PPP2R2B: variants seen among roughly 807,000 people sequenced by gnomAD.
PPP2R2B encodes the protein protein phosphatase 2 regulatory subunit Bbeta.
Under a neutral mutation model 46.0 loss-of-function variants are expected in PPP2R2B, and 5 were observed. The ratio of observed to expected loss-of-function variants is 0.11; its 90% CI spans 0.06 to 0.23. The LOEUF (loss-of-function observed/expected upper bound fraction) is 0.23. PPP2R2B is among the 10% of genes least tolerant of loss of function. The pLI, the probability that PPP2R2B is intolerant of heterozygous loss-of-function variation, is 1.00. For missense variants in PPP2R2B, 367 were observed against 575.0 expected, an observed-to-expected ratio of 0.64 and a Z score of 3.70; for synonymous variants, 215 against 206.7, an observed-to-expected ratio of 1.04 and a Z score of -0.34.
intron 1 of PPP2R2B, among the ~76,000 whole-genome samples, chr5:146,915,390 T>C (rs1406044189): frequency 1.3e-5 from 2 of 151,698 alleles, no homozygotes; most frequent in African/African-American, 2.4e-5. Flanking sequence ...CTCTCTCTCA[T>C]TCATACATCA....
At chr5:146,907,107 A>C (rs1339635871) in intron 1 of PPP2R2B, among the ~76,000 whole-genome samples, 1 of 152,194 alleles carries the variant, frequency 6.6e-6, no homozygotes, top group Non-Finnish European at 1.5e-5. Context: ...GGGAAGTAGG[A>C]AAGTACAGGA....
intron 6 of PPP2R2B, among the ~76,000 whole-genome samples, chr5:146,647,922 G>C (rs1449031012): frequency 6.6e-6 from 1 of 152,174 alleles, no homozygotes; most frequent in Non-Finnish European, 1.5e-5. Context: ...AAATATGCCA[G>C]GCATGGTCCT....
At chr5:146,838,193 A>G (rs974803963) in intron 2 of PPP2R2B, among the ~76,000 whole-genome samples, 4 of 152,166 alleles carry the variant, frequency 2.6e-5, no homozygotes, top group African/African-American at 9.7e-5. Flanking sequence ...TATTGTGACA[A>G]ACTTTCAAGG....
At chr5:147,056,414 G>C (rs1306982545), upstream of PPP2R2B, among the ~76,000 whole-genome samples, 2 of 152,132 alleles carry the variant, frequency 1.3e-5, no homozygotes, top group African/African-American at 4.8e-5. Context: ...CGGTGACAGA[G>C]GGCTAACACA....
intron 5 of PPP2R2B, among the ~76,000 whole-genome samples, chr5:146,689,031 A>C (rs1778672281): frequency 6.6e-6 from 1 of 152,198 alleles, no homozygotes; most frequent in African/African-American, 2.4e-5. Context: ...TAAATACAAC[A>C]GTATAAAAAG....
upstream of PPP2R2B, among the ~76,000 whole-genome samples, chr5:147,058,484 A>T (rs1293481493): frequency 6.6e-6 from 1 of 152,214 alleles, no homozygotes; most frequent in Non-Finnish European, 1.5e-5. Context: ...CAAAGAACTC[A>T]ATAAATACAA....
intron 2 of PPP2R2B, among the ~76,000 whole-genome samples, chr5:146,855,905 A>G (rs780211219): frequency 6.6e-6 from 1 of 152,240 alleles, no homozygotes; most frequent in Non-Finnish European, 1.5e-5. Flanking sequence ...CTTAGGAGTT[A>G]ATAATGAAAG....
rs1368057526 is a variant in PPP2R2B at position 146,812,493 on chromosome 5, T to C, written c.70+65509A>G. On this transcript the variant is annotated intron_variant, in intron 2 of 9. Coordinates refer to ENST00000394411, the MANE Select transcript of PPP2R2B (RefSeq NM_181675.4). ...CTAGTGATAGCAGTATATATATATA[T>C]ACTGTATATATATACAGTATATATA... Among the ~76,000 whole-genome samples the C allele has an allele frequency of 6.1e-4, 16 of 26,442 alleles. 1 individual carries two copies. Among genetic ancestry groups the C allele is most frequent in the Non-Finnish European group, 1.3e-3 (12 of 9,476 alleles). 17.3% of individuals were successfully genotyped at this position (26,442 alleles called of 152,430 possible).
intron 2 of PPP2R2B, among the ~76,000 whole-genome samples, chr5:146,863,074 G>A (rs1410991221): frequency 6.6e-6 from 1 of 151,452 alleles, no homozygotes; most frequent in East Asian, 1.9e-4. Flanking sequence ...TGTAGGTCCT[G>A]GTGGGTGCTT....
intron 4 of PPP2R2B, among the ~76,000 whole-genome samples, chr5:146,696,226 C>A (rs1319395076): frequency 6.6e-6 from 1 of 151,838 alleles, no homozygotes; most frequent in Non-Finnish European, 1.5e-5. Flanking sequence ...GCCTCAGCCT[C>A]CCGAGTAGCC....
chr5:146,997,227 G>A (rs1320866782), intron 1 of PPP2R2B, among the ~76,000 whole-genome samples: 3 of 152,144 alleles, frequency 2.0e-5, no homozygotes, highest in African/African-American at 7.2e-5. Flanking sequence ...AGCAGCCATG[G>A]AGATAGGTCT....
At chr5:147,069,783 C>CTTTTTTTT (rs1561611794) in intron 2 of PPP2R2B, among the ~76,000 whole-genome samples, 37 of 48,394 alleles carry the variant, frequency 7.6e-4, no homozygotes, top group Non-Finnish European at 1.0e-3. Flanking sequence ...ACATTTTATA[C>CTTTTTTTT]TGTTTTTTTT....
chr5:146,890,988 C>T lies in PPP2R2B; in HGVS notation c.79+164677G>A, dbSNP rs1057261939. Among the ~76,000 whole-genome samples, 7 of 152,094 alleles carry T rather than the reference C, an allele frequency of 4.6e-5. No homozygotes were observed. The South Asian group carries it at 1.0e-3, about 23-fold the overall frequency. On this transcript the variant is annotated intron_variant, in intron 1 of 8. Transcript: ENST00000336640. ...AAGAGAGAGAGAGAAAAAAATAAGG[C>T]CTGGGTCCAAAGAAAGGTACACAGT... is the stretch of plus-strand genomic sequence containing the variant.
intron 2 of PPP2R2B, among the ~76,000 whole-genome samples, chr5:146,739,197 T>C (rs568003691): frequency 6.6e-6 from 1 of 152,260 alleles, no homozygotes; most frequent in African/African-American, 2.4e-5. Flanking sequence ...AGTTTTTATT[T>C]ATGTAAAGAC....
rs139115213 is a variant in PPP2R2B, at chr5:146,893,950, G to T, written c.79+161715C>A. On this transcript the variant is annotated intron_variant, in intron 1 of 8. Coordinates refer to the PPP2R2B transcript ENST00000336640. Reference sequence around the variant, plus strand: ...AATTCCAGCTACTCGGGAGGCTGAGGCATGAGAATTGCTTGAACCCAGGAG... The same window carrying T: ...AATTCCAGCTACTCGGGAGGCTGAGTCATGAGAATTGCTTGAACCCAGGAG... Among the ~76,000 whole-genome samples, 59 of 151,464 alleles carry T rather than the reference G, an allele frequency of 3.9e-4. 1 individual carries two copies. In the East Asian group the frequency reaches 0.01, roughly 26 times the overall value.
At chr5:146,699,963 C>A (rs1366854923) in intron 3 of PPP2R2B, among the ~76,000 whole-genome samples, 1 of 152,006 alleles carries the variant, frequency 6.6e-6, no homozygotes, top group Non-Finnish European at 1.5e-5. Context: ...GTTTCCAGGG[C>A]CAATGGAATA....
At chr5:146,945,940 T>C (rs1423062074) in intron 1 of PPP2R2B, among the ~76,000 whole-genome samples, 1 of 152,148 alleles carries the variant, frequency 6.6e-6, no homozygotes, top group Non-Finnish European at 1.5e-5. Flanking sequence ...CTGGCAACTC[T>C]TACCTTATAA....
intron 7 of PPP2R2B, among the ~76,000 whole-genome samples, chr5:146,616,351 C>T (rs1452701265): frequency 6.6e-6 from 1 of 152,108 alleles, no homozygotes; most frequent in Non-Finnish European, 1.5e-5. Flanking sequence ...GGATACCCCG[C>T]AAGCACAAGC....
intron 1 of PPP2R2B, among the ~76,000 whole-genome samples, chr5:147,028,535 T>G (rs1755632194): frequency 6.6e-6 from 1 of 152,242 alleles, no homozygotes. Context: ...TTTTCATTCT[T>G]GTAAGCTGTC....
Sources: allele counts gnomAD v4.1 joint callset (sites outside exome capture counted in the v4.1 genomes callset), GRCh38; gene constraint gnomAD v4.1.1; transcripts MANE v1.5; gene names NCBI Gene and HGNC (gene_info 2026-07-23, HGNC 2026-07-21).